PDZD2: variants seen among roughly 807,000 people sequenced by gnomAD.
The protein encoded by PDZD2 is PDZ domain containing 2.
In PDZD2, 90 loss-of-function variants were observed where a neutral mutation model predicts 220.7. That is an observed-to-expected ratio of 0.41 (90% confidence interval 0.34 to 0.49). The LOEUF is 0.49. Among genes scored for constraint, PDZD2 ranks in the 20% least tolerant of loss-of-function variants. The pLI, the probability that PDZD2 is intolerant of heterozygous loss-of-function variation, is 0.28. For missense variants in PDZD2, 3,174 were observed against 3,608.5 expected, an observed-to-expected ratio of 0.88 and a Z score of 3.08; for synonymous variants, 1,375 against 1,450.5, an observed-to-expected ratio of 0.95 and a Z score of 1.18.
intron 2 of PDZD2, among the ~76,000 whole-genome samples, chr5:31,916,816 G>A (rs1490461428): frequency 2.0e-5 from 3 of 152,198 alleles, no homozygotes; most frequent in African/African-American, 4.8e-5. Flanking sequence ...AAGGGAGGGG[G>A]CTTACAGGCT....
chr5:31,807,981 C>A (rs1033407584), intron 2 of PDZD2, among the ~76,000 whole-genome samples: 5 of 152,172 alleles, frequency 3.3e-5, no homozygotes, highest in African/African-American at 1.2e-4. Flanking sequence ...TTACCCATGG[C>A]AACCTTGAGT....
chr5:31,855,288 G>A (rs1275487187), intron 2 of PDZD2: 1 of 194,006 alleles, frequency 5.2e-6, no homozygotes, highest in East Asian at 1.9e-4. Flanking sequence ...GGCGCGGAGC[G>A]GCCACCTAAG....
intron 1 of PDZD2, among the ~76,000 whole-genome samples, chr5:31,765,536 A>G (rs1276749189): frequency 6.6e-6 from 1 of 152,198 alleles, no homozygotes; most frequent in Non-Finnish European, 1.5e-5. Flanking sequence ...CTATTATCTG[A>G]AAAATGTAGC....
At chr5:31,743,946 C>T (rs553778227) in intron 1 of PDZD2, 1 of 152,194 alleles carries the variant, frequency 6.6e-6, no homozygotes, top group Non-Finnish European at 1.5e-5. Context: ...TTGGCTCAGG[C>T]GGCATCAAAT....
intron 1 of PDZD2, among the ~76,000 whole-genome samples, chr5:31,648,145 T>C (rs1027959499): frequency 2.0e-5 from 3 of 152,188 alleles, no homozygotes; most frequent in African/African-American, 7.2e-5. Context: ...TTGGATCCTC[T>C]TTTTTGGCTA....
At chr5:32,093,168 A>G in intron 21 of PDZD2, 144 bp downstream of exon 21, 1 of 602,526 alleles carries the variant, frequency 1.7e-6, no homozygotes, top group East Asian at 2.9e-5. Flanking sequence ...TTCACAGCTC[A>G]GTCTGACTTT....
intron 24 of PDZD2, among the ~76,000 whole-genome samples, chr5:32,101,863 CTAA>C (rs1190101065): frequency 1.3e-5 from 2 of 152,060 alleles, no homozygotes; most frequent in Non-Finnish European, 2.9e-5. Flanking sequence ...CATAATTGTA[CTAA>C]TAATATTAAC....
chr5:32,106,146 C>T (rs143696031), intron 24 of PDZD2: 2 of 153,166 alleles, frequency 1.3e-5, no homozygotes, highest in East Asian at 3.8e-4. Context: ...TCTGTGGGAG[C>T]CCTGAGCTTG....
At chr5:31,888,874 C>T (rs1388707478) in intron 2 of PDZD2, among the ~76,000 whole-genome samples, 3 of 151,954 alleles carry the variant, frequency 2.0e-5, no homozygotes, top group Admixed American at 6.6e-5. Flanking sequence ...TGGTCCCATT[C>T]GATAATGGGA....
rs1030368518 is a variant in PDZD2, at chr5:31,815,489, G to A, written c.476+15765G>A. ...TCTTTCAGTGCCTGCTGTCTGTCATGTGATGCTATACTAGAGTCAGGTCAG... is the reference window on the plus strand; with the variant it reads ...TCTTTCAGTGCCTGCTGTCTGTCATATGATGCTATACTAGAGTCAGGTCAG... On this transcript the variant is annotated intron_variant, in intron 2 of 24. Transcript: ENST00000438447. Among the ~76,000 whole-genome samples, 35 of 152,288 alleles carry A rather than the reference G, an allele frequency of 2.3e-4. 1 individual carries two copies. The highest frequency in any genetic ancestry group is 2.1e-3 in the Admixed American group (32 of 15,286).
At chr5:31,750,936 G>A (rs1486173056) in intron 1 of PDZD2, among the ~76,000 whole-genome samples, 3 of 152,030 alleles carry the variant, frequency 2.0e-5, no homozygotes, top group Admixed American at 1.3e-4. Flanking sequence ...GATGCCATTT[G>A]GTGGTTTTGA....
intron 2 of PDZD2, among the ~76,000 whole-genome samples, chr5:31,819,402 A>G (rs1755674584): frequency 6.6e-6 from 1 of 152,078 alleles, no homozygotes; most frequent in Non-Finnish European, 1.5e-5. Context: ...CACACTTGTA[A>G]TCCCAGCACT....
At chr5:32,029,329 T>TAAAAAAAAAAAAAAA (rs34025632) in intron 6 of PDZD2, among the ~76,000 whole-genome samples, 2 of 65,840 alleles carry the variant, frequency 3.0e-5, no homozygotes, top group East Asian at 5.8e-4. Context: ...TCAAGAACTG[T>TAAAAAAAAAAAAAAA]AAAAAAAAAA....
chr5:32,010,389 C>G lies in PDZD2; in HGVS notation c.1314C>G (p.Ser438Arg). Residue 438 changes from serine (S) to arginine (R), a missense_variant, in exon 6 of 25, where the codon AGC becomes AGG. Coordinates refer to ENST00000438447, the MANE Select transcript of PDZD2 (RefSeq NM_178140.4). ...LTSKSLPDLT[S>R]SVEDVSSWTD... ...CTAAGAGCTTGCCAGATCTGACCAG[C>G]TCGGTAGAAGATGTGTCCTCCTGGA... The G allele has an allele frequency of 1.9e-6, 3 of 1,612,480 alleles. No individual in the cohort carries two copies. The highest frequency in any genetic ancestry group is 2.5e-6 in the Non-Finnish European group (3 of 1,178,556).
chr5:32,090,278 T>G lies in PDZD2; in HGVS notation c.6830T>G (p.Ile2277Arg). Residue 2277 changes from isoleucine (I) to arginine (R), a missense_variant, in exon 20 of 25, where the codon ATA becomes AGA. Transcript: ENST00000438447. This position sits in a 1 kb window ranked among gnomAD's most constrained non-coding sequence, Gnocchi z 4.3. ...GLPSLANGQG[I>R]YSVKPLLDTS... The stretch of plus-strand genomic sequence containing the variant: ...CCCAGCCTGGCTAATGGACAGGGCA[T>G]ATATAGTGTAAAGCCGCTGCTGGAC... 6.2e-7 allele frequency: 1 copy of G among 1,614,070 alleles called. No homozygotes were observed. The highest frequency in any genetic ancestry group is 1.1e-5 in the South Asian group (1 of 91,080).
rs191691870 is a variant in PDZD2, at chr5:31,653,568, A to C, written c.-361+14131A>C. ...ATGACTTAGGATGTATGGGAAGATG[A>C]ATCTTCTGATGAAAGCATCTTAAGA... On this transcript the variant is annotated intron_variant, in intron 1 of 24. Coordinates refer to ENST00000438447, the MANE Select transcript of PDZD2 (RefSeq NM_178140.4). 6.2e-4 allele frequency among the ~76,000 whole-genome samples: 95 copies of C among 152,302 alleles called. No individual in the cohort carries two copies. The East Asian group carries it at 0.017, about 27-fold the overall frequency.
intron 2 of PDZD2, among the ~76,000 whole-genome samples, chr5:31,948,673 T>C (rs186112534): frequency 5.3e-4 from 81 of 152,242 alleles, no homozygotes; most frequent in African/African-American, 1.9e-3. Context: ...AAAAGGAGTA[T>C]GTGATTTAAT....
In PDZD2 at chr5:31,818,848, A is replaced by G. The variant is rs138378983; in HGVS notation, c.476+19124A>G. ...TTTTTATGTTAAGATCTAGTCTGTGACCATGTGCCTACAGCTCTATCATGC... is the reference window on the plus strand; with the variant it reads ...TTTTTATGTTAAGATCTAGTCTGTGGCCATGTGCCTACAGCTCTATCATGC... On this transcript the variant is annotated intron_variant, in intron 2 of 24. Transcript: ENST00000438447. Among the ~76,000 whole-genome samples the G allele has an allele frequency of 2.3e-4, 35 of 152,306 alleles. No individual in the cohort carries two copies. In the South Asian group the frequency reaches 3.5e-3, roughly 15 times the overall value.
At chr5:32,097,490 T>C in intron 22 of PDZD2, 110 bp downstream of exon 22, 2 of 722,882 alleles carry the variant, frequency 2.8e-6, no homozygotes, top group South Asian at 1.5e-5. Context: ...TGGATTTCAT[T>C]CCCAGCTACC....
Sources: allele counts gnomAD v4.1 joint callset (sites outside exome capture counted in the v4.1 genomes callset), GRCh38; gene constraint gnomAD v4.1.1; non-coding constraint Gnocchi (gnomAD v3.1); transcripts MANE v1.5; gene names NCBI Gene and HGNC (gene_info 2026-07-23, HGNC 2026-07-21).